Variants in KIF5A observed in about 807,000 individuals in gnomAD.
The protein encoded by KIF5A is kinesin family member 5A, also known as kinesin heavy chain isoform 5A.
A neutral mutation model predicts 141.3 loss-of-function variants in KIF5A; 35 were observed. The observed-to-expected ratio is 0.25, with a 90% CI of 0.19 to 0.33. The LOEUF is 0.33. KIF5A is among the 10% of genes least tolerant of loss of function. The probability of loss-of-function intolerance (pLI) is 1.00; values close to 1 mark genes in which losing one functional copy is unlikely to be tolerated. For synonymous variants in KIF5A, 448 were observed against 500.2 expected (o/e 0.90, Z 1.39); for missense variants, 861 against 1,314.3 (o/e 0.66, Z 5.33).
chr12:57,574,716 G>T (rs1217948792), intron 15 of KIF5A, among the ~76,000 whole-genome samples: 1 of 151,758 alleles, frequency 6.6e-6, no homozygotes, highest in Non-Finnish European at 1.5e-5. Context: ...GAGTAGCTGG[G>T]ATTACAGGCA....
rs1005883145 is a variant in KIF5A at position 57,550,526 on chromosome 12, C to T, written c.129+126C>T. ...CCCGCCGCTCATCCTTCATCCTCTT[C>T]CCCGCAGCCCCTCCTCTCCCCTGCA... On this transcript the variant is annotated intron_variant, in intron 1 of 28. Coordinates refer to ENST00000455537, the MANE Select transcript of KIF5A (RefSeq NM_004984.4). The surrounding 1 kb of genome is among the most constrained non-coding windows in gnomAD (Gnocchi z 4.6). The T allele has an allele frequency of 9.9e-6, 10 of 1,006,342 alleles. No homozygotes were observed. The highest frequency in any genetic ancestry group is 1.5e-5 in the Non-Finnish European group (10 of 674,964). The allele number at this position is 1,006,342 out of a possible 1,614,324, so 62.3% of individuals were successfully genotyped here.
chr12:57,582,722 C>T (rs1166604402), intron 27 of KIF5A, 93 bp downstream of exon 27: 1 of 1,063,142 alleles, frequency 9.4e-7, no homozygotes, highest in Admixed American at 1.7e-5. Flanking sequence ...TTCCTGGAGC[C>T]TTTGGGGAAG....
At chr12:57,570,727 T>C (rs1456050703) in intron 12 of KIF5A, among the ~76,000 whole-genome samples, 2 of 152,182 alleles carry the variant, frequency 1.3e-5, no homozygotes, top group African/African-American at 4.8e-5. Flanking sequence ...TTCAGCATTA[T>C]ATTATGCACA....
chr12:57,582,273 CAT>C (rs1360876882), intron 26 of KIF5A, among the ~76,000 whole-genome samples: 2 of 152,036 alleles, frequency 1.3e-5, no homozygotes, highest in Non-Finnish European at 2.9e-5. Context: ...AATAATAACA[CAT>C]ATGAAGAAAA....
intron 3 of KIF5A, 149 bp downstream of exon 3, chr12:57,563,842 G>A (rs1881984039): frequency 5.0e-6 from 4 of 792,612 alleles, no homozygotes; most frequent in Non-Finnish European, 6.5e-6. Flanking sequence ...CAATATTAGG[G>A]GAAGTTTAAT....
chr12:57,563,195 C>T (rs547868936), intron 1 of KIF5A, among the ~76,000 whole-genome samples: 1 of 151,930 alleles, frequency 6.6e-6, no homozygotes, highest in East Asian at 1.9e-4. Flanking sequence ...TTAGTAGAGA[C>T]GGGGTTTCAC....
In KIF5A at chr12:57,550,396, T is replaced by C; in HGVS notation, c.125T>C (p.Ile42Thr). 2 of 1,614,046 alleles carry C rather than the reference T, an allele frequency of 1.2e-6. No individual in the cohort carries two copies. The highest frequency in any genetic ancestry group is 1.7e-6 in the Non-Finnish European group (2 of 1,179,966). Residue 42 changes from isoleucine to threonine, a missense_variant, in exon 1 of 29, where the codon ATT (isoleucine) becomes ACT (threonine). Ile to Thr is a moderately conservative substitution (Grantham distance 89, BLOSUM62 -1). This residue lies in a region of KIF5A where 59 missense variants were observed against 81.1 expected (regional missense o/e 0.73). Transcript: ENST00000455537. The surrounding 1 kb of genome is among the most constrained non-coding windows in gnomAD (Gnocchi z 4.6). ...TTCCAAGGGGACGACAGCGTCGTTA[T>C]TGGGGTGAGTGTCGCCCAGGAGGGA... ...PIFQGDDSVV[I>T]GGKPYVFDRV... is the part of the protein sequence containing the mutation.
Position 57,567,133 on chromosome 12 carries a change from C to G in KIF5A, c.509C>G (p.Thr170Ser). The part of the protein sequence containing the change: ...KNRVPFVKGC[T>S]ERFVSSPEEI... ...TCCATTTGTCCCCCACAGGGTTGTA[C>G]TGAACGCTTTGTGTCCAGCCCGGAG... The change falls in exon 7 of 29, where the codon ACT becomes AGT. Residue 170 changes from threonine to serine, a missense_variant. Physicochemically the swap from Thr to Ser is moderately conservative, Grantham distance 58. Around this residue, in one of 5 missense-constraint regions of KIF5A, gnomAD observed 146 missense variants for 353.4 expected, o/e 0.41. Transcript: ENST00000455537. The G allele has an allele frequency of 1.2e-6, 2 of 1,610,874 alleles. No homozygotes were observed. Among genetic ancestry groups the G allele is most frequent in the South Asian group, 1.1e-5 (1 of 91,036 alleles).
At chr12:57,562,292 T>C (rs554453922) in intron 1 of KIF5A, among the ~76,000 whole-genome samples, 1 of 152,338 alleles carries the variant, frequency 6.6e-6, no homozygotes, top group East Asian at 1.9e-4. Context: ...CTTGGCTCAC[T>C]GCAACCTCCG....
At chr12:57,553,949 CAG>C (rs1881656441) in intron 1 of KIF5A, among the ~76,000 whole-genome samples, 1 of 152,140 alleles carries the variant, frequency 6.6e-6, no homozygotes, top group South Asian at 2.1e-4. Flanking sequence ...TAACAACTCA[CAG>C]AGTCTTCGAT....
intron 23 of KIF5A, among the ~76,000 whole-genome samples, chr12:57,579,797 C>G (rs1882539431): frequency 6.6e-6 from 1 of 152,174 alleles, no homozygotes; most frequent in Non-Finnish European, 1.5e-5. Flanking sequence ...TGGGAAAGCC[C>G]TGCTCTATGG....
Position 57,578,296 on chromosome 12 carries a change from C to T in KIF5A, c.2492C>T (p.Ser831Phe), listed in dbSNP as rs193920755. The change falls in exon 23 of 29, where the codon TCC becomes TTC. Residue 831 changes from serine to phenylalanine, a missense_variant. Physicochemically the swap from Ser to Phe is radical, Grantham distance 155. This residue lies in a region of KIF5A where 482 missense variants were observed against 661.3 expected (regional missense o/e 0.73). Coordinates refer to ENST00000455537, the MANE Select transcript of KIF5A (RefSeq NM_004984.4). ...ATTCACTCCCAAAAGCAGAAGATTT[C>T]CTTTCTTGAGAACAACCTGGAACAG... ...GGIHSQKQKISFLENNLEQLT... is the reference protein window; with the variant it reads ...GGIHSQKQKIFFLENNLEQLT... 1.2e-6 allele frequency: 2 copies of T among 1,614,058 alleles called. No homozygotes were observed. Among genetic ancestry groups the T allele is most frequent in the African/African-American group, 2.7e-5 (2 of 75,032 alleles).
At chr12:57,554,329 A>G (rs866727399) in intron 1 of KIF5A, among the ~76,000 whole-genome samples, 1 of 152,218 alleles carries the variant, frequency 6.6e-6, no homozygotes. Context: ...ATTACTGTGA[A>G]CATTAAATGA....
chr12:57,564,648 G>A, intron 5 of KIF5A, 140 bp downstream of exon 5: 1 of 840,172 alleles, frequency 1.2e-6, no homozygotes, highest in Admixed American at 2.0e-5. Context: ...CCGTTTACCA[G>A]AATTTCCAAA....
chr12:57,567,066 TA>T lies in KIF5A; in HGVS notation c.502-57del. ...AGAAAATAATAATAATAAAAATAAA[TA>T]AATAAATACAAACTTAAAAAACAAA... On this transcript the variant is annotated intron_variant, in intron 6 of 28. Transcript: ENST00000455537. 2.5e-5 allele frequency: 23 copies of T among 933,578 alleles called. No homozygotes were observed. In the South Asian group the frequency reaches 3.8e-4, roughly 15 times the overall value. The allele number at this position is 933,578 out of a possible 1,614,324, so 57.8% of individuals were successfully genotyped here.
intron 26 of KIF5A, 111 bp downstream of exon 26, chr12:57,582,063 T>C (rs1882622629): frequency 2.3e-6 from 2 of 883,872 alleles, no homozygotes; most frequent in Non-Finnish European, 3.7e-6. Flanking sequence ...CTTTCTGGTG[T>C]GCCAAGGCTT....
Position 57,576,262 on chromosome 12 carries a change from T to C in KIF5A, c.2089-7T>C, listed in dbSNP as rs1157781947. 1.2e-6 allele frequency: 2 copies of C among 1,614,032 alleles called. No individual in the cohort carries two copies. The highest frequency in any genetic ancestry group is 1.7e-5 in the Admixed American group (1 of 60,016). ...GGCCTTTGAGCTTGGGGTGGGGTTG[T>C]TTGCAGAAGGCTCTGGAGCTGCAGA... is the stretch of plus-strand genomic sequence containing the variant. On this transcript the variant is annotated splice_region_variant and splice_polypyrimidine_tract_variant and intron_variant, in intron 18 of 28. Transcript: ENST00000455537.
intron 22 of KIF5A, 77 bp downstream of exon 22, chr12:57,578,157 CT>C: frequency 1.9e-6 from 3 of 1,579,002 alleles, no homozygotes; most frequent in Non-Finnish European, 2.6e-6. Flanking sequence ...CCTGTTGCCC[CT>C]ATGGGGCTGG....
At chr12:57,555,526 G>A (rs1419087337) in intron 1 of KIF5A, among the ~76,000 whole-genome samples, 3 of 152,018 alleles carry the variant, frequency 2.0e-5, no homozygotes, top group Admixed American at 6.6e-5. Flanking sequence ...GGGAGGCGGA[G>A]GTTGCAGTGA....
Sources: allele counts gnomAD v4.1 joint callset (sites outside exome capture counted in the v4.1 genomes callset), GRCh38; gene constraint gnomAD v4.1.1; regional missense constraint gnomAD v4.1.1; non-coding constraint Gnocchi (gnomAD v3.1); transcripts MANE v1.5; gene names NCBI Gene and HGNC (gene_info 2026-07-23, HGNC 2026-07-21).